CYTH3: variants seen among roughly 807,000 people sequenced by gnomAD.
The protein encoded by CYTH3 is cytohesin 3, also known as cytohesin-3.
CYTH3 carries 23 observed loss-of-function variants against 55.1 expected under a neutral mutation model. The ratio of observed to expected loss-of-function variants is 0.42; its 90% CI spans 0.30 to 0.59. The LOEUF (loss-of-function observed/expected upper bound fraction) is 0.59. Among genes scored for constraint, CYTH3 ranks in the 20% least tolerant of loss-of-function variants. The pLI is 0.20. For synonymous variants in CYTH3, 249 were observed against 194.9 expected, an observed-to-expected ratio of 1.28 and a Z score of -2.31; for missense variants, 413 against 524.8, an observed-to-expected ratio of 0.79 and a Z score of 2.08.
intron 4 of CYTH3, among the ~76,000 whole-genome samples, chr7:6,178,793 G>A (rs1337613895): frequency 1.3e-5 from 2 of 152,218 alleles, no homozygotes; most frequent in Non-Finnish European, 2.9e-5. Flanking sequence ...GAGGGCTGCG[G>A]CACAGCTGAC....
At chr7:6,185,582 C>A (rs1783622044) in intron 4 of CYTH3, among the ~76,000 whole-genome samples, 1 of 151,908 alleles carries the variant, frequency 6.6e-6, no homozygotes, top group African/African-American at 2.4e-5. Flanking sequence ...CACCTGTAGT[C>A]CCAGCTACTC....
intron 1 of CYTH3, among the ~76,000 whole-genome samples, chr7:6,231,588 C>G (rs1210349013): frequency 6.6e-6 from 1 of 152,228 alleles, no homozygotes; most frequent in Non-Finnish European, 1.5e-5. Context: ...ATGTATCAAA[C>G]CAGTGTGCCC....
Position 6,169,013 on chromosome 7 carries a change from C to T in CYTH3, c.823+1522G>A, listed in dbSNP as rs778706754. ...AACACTCGCACAATGTGATTTGAAT[C>T]GGGTCTCTCAGGCACCCGAGCCAAA... On this transcript the variant is annotated intron_variant, in intron 9 of 12. Coordinates refer to ENST00000350796, the MANE Select transcript of CYTH3 (RefSeq NM_004227.4). The surrounding 1 kb of genome is among the most constrained non-coding windows in gnomAD (Gnocchi z 4.1). Among the ~76,000 whole-genome samples, 6 of 152,182 alleles carry T rather than the reference C, an allele frequency of 3.9e-5. No individual in the cohort carries two copies. Among genetic ancestry groups the T allele is most frequent in the East Asian group, 1.9e-4 (1 of 5,190 alleles).
chr7:6,213,993 C>A (rs1278529498), intron 1 of CYTH3, among the ~76,000 whole-genome samples: 2 of 152,126 alleles, frequency 1.3e-5, no homozygotes, highest in African/African-American at 4.8e-5. Flanking sequence ...GTCACAGACT[C>A]CCCTGACCTT....
At chr7:6,210,225 T>C (rs1012791102) in intron 1 of CYTH3, among the ~76,000 whole-genome samples, 6 of 152,150 alleles carry the variant, frequency 3.9e-5, no homozygotes, top group Admixed American at 1.3e-4. Context: ...GGGAACTCTA[T>C]ACTGTCAGCT....
At chr7:6,185,974 G>A (rs941931467) in intron 4 of CYTH3, among the ~76,000 whole-genome samples, 11 of 151,858 alleles carry the variant, frequency 7.2e-5, no homozygotes, top group Admixed American at 6.6e-5. Flanking sequence ...GCCAGGCACG[G>A]TGGCTCACGC....
intron 2 of CYTH3, among the ~76,000 whole-genome samples, chr7:6,189,046 A>G: frequency 6.6e-6 from 1 of 152,220 alleles, no homozygotes; most frequent in East Asian, 1.9e-4. Context: ...CTGTGAAGCC[A>G]CATTTATTTT....
chr7:6,230,201 C>G (rs1205496576), intron 1 of CYTH3, among the ~76,000 whole-genome samples: 1 of 152,090 alleles, frequency 6.6e-6, no homozygotes, highest in Admixed American at 6.5e-5. Context: ...TGTGAGACCA[C>G]CAAACAAACT....
chr7:6,190,506 C>A lies in CYTH3; in HGVS notation c.60G>T (p.Glu20Asp). 1 of 1,513,006 alleles carries A rather than the reference C, an allele frequency of 6.6e-7. No individual in the cohort carries two copies. The highest frequency in any genetic ancestry group is 2.2e-5 in the Admixed American group (1 of 45,012). The allele number at this position is 1,513,006 out of a possible 1,614,324, so 93.7% of individuals were successfully genotyped here. The change falls in exon 2 of 13, where the codon GAG becomes GAT. Residue 20 changes from glutamate to aspartate, a missense_variant. This residue lies in a region of CYTH3 where 152 missense variants were observed against 148.1 expected (regional missense o/e 1.03). Transcript: ENST00000350796. ...GGVPEDLSLEEREELLDIRRR... is the reference protein window; with the variant it reads ...GGVPEDLSLEDREELLDIRRR... ...GACGAATGTCTAGAAGTTCTTCTCT[C>A]TCTTCTAATGAGAGGTCTTCAGGCA... is the stretch of plus-strand genomic sequence containing the variant.
rs943872709 is a variant in CYTH3, at chr7:6,169,825, G to A, written c.823+710C>T. On this transcript the variant is annotated intron_variant, in intron 9 of 12. Coordinates refer to ENST00000350796, the MANE Select transcript of CYTH3 (RefSeq NM_004227.4). This position sits in a 1 kb window ranked among gnomAD's most constrained non-coding sequence, Gnocchi z 4.1. ...TGGCTGTCTGCTTCTCTACTGCTGCGGACCCCTAGAGACACAGGGTGGGGG... is the reference window on the plus strand; with the variant it reads ...TGGCTGTCTGCTTCTCTACTGCTGCAGACCCCTAGAGACACAGGGTGGGGG... 1.6e-4 allele frequency among the ~76,000 whole-genome samples: 24 copies of A among 152,096 alleles called. No homozygotes were observed. The highest frequency in any genetic ancestry group is 4.1e-4 in the African/African-American group (17 of 41,434).
intron 1 of CYTH3, among the ~76,000 whole-genome samples, chr7:6,196,483 G>T (rs1220267162): frequency 1.6e-5 from 2 of 127,520 alleles, no homozygotes; most frequent in Non-Finnish European, 3.1e-5. Context: ...TTTTGAGACG[G>T]AATTTCATTT....
chr7:6,217,953 T>C (rs1583171061), intron 1 of CYTH3, among the ~76,000 whole-genome samples: 1 of 151,740 alleles, frequency 6.6e-6, no homozygotes, highest in Non-Finnish European at 1.5e-5. Context: ...AAGGCCGAGG[T>C]GGGCAGATCA....
At chr7:6,230,765 T>A (rs763675593) in intron 1 of CYTH3, among the ~76,000 whole-genome samples, 2 of 151,836 alleles carry the variant, frequency 1.3e-5, no homozygotes, top group Non-Finnish European at 2.9e-5. Context: ...TGAAAAAAAA[T>A]GGGTACAACA....
At chr7:6,215,381 G>A (rs1268034482) in intron 1 of CYTH3, among the ~76,000 whole-genome samples, 1 of 152,134 alleles carries the variant, frequency 6.6e-6, no homozygotes, top group East Asian at 1.9e-4. Context: ...ACGAGGTCAG[G>A]AGATCAAGAC....
At chr7:6,198,228 A>T (rs1378721755) in intron 1 of CYTH3, among the ~76,000 whole-genome samples, 1 of 152,248 alleles carries the variant, frequency 6.6e-6, no homozygotes, top group Non-Finnish European at 1.5e-5. Context: ...CATGAAAAGG[A>T]ATAAATAAAA....
At chr7:6,172,924 T>C (rs1247337058) in intron 6 of CYTH3, 4 of 1,184,554 alleles carry the variant, frequency 3.4e-6, no homozygotes, top group African/African-American at 1.6e-5. Context: ...GGTAAGGCCA[T>C]GAGCAAACAG....
intron 1 of CYTH3, among the ~76,000 whole-genome samples, chr7:6,196,574 C>G (rs1269750270): frequency 6.6e-6 from 1 of 151,586 alleles, no homozygotes; most frequent in African/African-American, 2.4e-5. Flanking sequence ...ATTCTCCTGC[C>G]CCAGCCTCAC....
chr7:6,259,747 TATATATATATTATATATATATATATTATA>T (rs1780235645), intron 1 of CYTH3, among the ~76,000 whole-genome samples: 14 of 17,142 alleles, frequency 8.2e-4, no homozygotes, highest in African/African-American at 3.7e-3. Flanking sequence ...ATATATAATA[TATATATATATTATATATATATATATTATA>T]TATATATAAT....
Position 6,164,877 on chromosome 7 carries a change from G to A in CYTH3, c.*67C>T. ...CTGCCTCCCTGCCACGCCTTCCGCG[G>A]AGGGGCCGCCCGCGGTGTCTTTCTG... is the stretch of plus-strand genomic sequence containing the variant. On this transcript the variant is annotated 3_prime_UTR_variant, in exon 13 of 13. Coordinates refer to ENST00000350796, the MANE Select transcript of CYTH3 (RefSeq NM_004227.4). 1 of 1,584,226 alleles carries A rather than the reference G, an allele frequency of 6.3e-7. No homozygotes were observed. Among genetic ancestry groups the A allele is most frequent in the Non-Finnish European group, 8.7e-7 (1 of 1,153,472 alleles).
Sources: gnomAD v4.1 joint callset for allele counts (sites outside exome capture counted in the v4.1 genomes callset) on GRCh38, gnomAD v4.1.1 for gene constraint, gnomAD v4.1.1 regional missense constraint, Gnocchi (gnomAD v3.1) non-coding constraint, MANE v1.5 for transcripts, NCBI Gene and HGNC (gene_info 2026-07-23, HGNC 2026-07-21) for gene names.